PCDH15: variants seen among roughly 807,000 people sequenced by gnomAD.
The protein encoded by PCDH15 is protocadherin-15.
A neutral mutation model predicts 178.5 loss-of-function variants in PCDH15; 129 were observed. The ratio of observed to expected loss-of-function variants is 0.72; its 90% CI spans 0.63 to 0.84. The LOEUF is 0.84. Ranked by LOEUF, PCDH15 falls within the 40% of genes least tolerant of loss-of-function variation. The pLI is 0.00. For missense variants in PCDH15, 2,230 were observed against 2,099.9 expected, an observed-to-expected ratio of 1.06 and a Z score of -1.21; for synonymous variants, 800 against 732.0, an observed-to-expected ratio of 1.09 and a Z score of -1.50.
intron 2 of PCDH15, among the ~76,000 whole-genome samples, chr10:55,150,716 T>C (rs973959912): frequency 6.6e-6 from 1 of 152,098 alleles, no homozygotes; most frequent in African/African-American, 2.4e-5. Flanking sequence ...GGTAGAGATA[T>C]ATAAATTACA....
chr10:55,328,101 G>C (rs1355834089), intron 2 of PCDH15, among the ~76,000 whole-genome samples: 2 of 151,908 alleles, frequency 1.3e-5, no homozygotes, highest in Non-Finnish European at 2.9e-5. Context: ...TAGTTGAACA[G>C]ATATAACCAT....
chr10:53,940,896 C>A lies in PCDH15; in HGVS notation c.3202G>T (p.Val1068Leu), dbSNP rs1476131204. The A allele has an allele frequency of 1.2e-6, 2 of 1,613,452 alleles. No individual in the cohort carries two copies. Among genetic ancestry groups the A allele is most frequent in the Admixed American group, 3.3e-5 (2 of 60,010 alleles). The change falls in exon 24 of 38, where the codon GTG becomes TTG. Residue 1068 changes from valine to leucine, a missense_variant. Val to Leu is a conservative substitution (Grantham distance 32, BLOSUM62 1). Coordinates refer to ENST00000644397, the MANE Select transcript of PCDH15 (RefSeq NM_001384140.1). ...TCATTTCCTGAAACAATGGAGTACA[C>A]AATACTTTGATTAATGGCAGCAGCA... ...ISAAAINQSI[V>L]YSIVSGNEED...
intron 2 of PCDH15, among the ~76,000 whole-genome samples, chr10:54,612,192 T>G (rs745632314): frequency 6.6e-6 from 1 of 151,772 alleles, no homozygotes; most frequent in African/African-American, 2.4e-5. Flanking sequence ...AATGAACAAA[T>G]GAAATAAAAT....
At chr10:55,206,127 T>C (rs1193760411) in intron 1 of PCDH15, among the ~76,000 whole-genome samples, 5 of 151,990 alleles carry the variant, frequency 3.3e-5, no homozygotes, top group African/African-American at 1.2e-4. Flanking sequence ...ATCACCTTCG[T>C]AATTTTGAGA....
chr10:55,071,268 T>C (rs1841738952), intron 2 of PCDH15, among the ~76,000 whole-genome samples: 1 of 142,226 alleles, frequency 7.0e-6, no homozygotes, highest in Non-Finnish European at 1.5e-5. Flanking sequence ...TAAATGTAAC[T>C]GGACTAAATG....
At chr10:54,176,956 T>TAAA (rs5785043) in intron 13 of PCDH15, among the ~76,000 whole-genome samples, 1 of 148,556 alleles carries the variant, frequency 6.7e-6, no homozygotes, top group Non-Finnish European at 1.5e-5. Flanking sequence ...TATGTCCATG[T>TAAA]AAAAAAAAAA....
upstream of PCDH15, among the ~76,000 whole-genome samples, chr10:55,322,074 G>A (rs1262913596): frequency 1.3e-5 from 2 of 152,128 alleles, no homozygotes; most frequent in East Asian, 1.9e-4. Flanking sequence ...ATCCTCATGT[G>A]TCAAGGGCAA....
At chr10:55,141,694 G>A (rs1445154910) in intron 2 of PCDH15, among the ~76,000 whole-genome samples, 1 of 151,938 alleles carries the variant, frequency 6.6e-6, no homozygotes, top group Non-Finnish European at 1.5e-5. Flanking sequence ...CACCTTAACT[G>A]TTAATTCAGT....
At chr10:54,591,082 C>A (rs543382230) in intron 2 of PCDH15, among the ~76,000 whole-genome samples, 1 of 152,216 alleles carries the variant, frequency 6.6e-6, no homozygotes, top group South Asian at 2.1e-4. Context: ...ATCTGTAGGA[C>A]CTAGCCACTA....
intron 2 of PCDH15, among the ~76,000 whole-genome samples, chr10:55,431,396 G>A (rs185745650): frequency 2.8e-4 from 43 of 152,128 alleles, no homozygotes; most frequent in African/African-American, 9.6e-4. Flanking sequence ...TCCATCTCTC[G>A]CTTCCAGAGT....
chr10:55,565,951 G>A (rs924164360), intron 2 of PCDH15, among the ~76,000 whole-genome samples: 1 of 151,468 alleles, frequency 6.6e-6, no homozygotes, highest in Non-Finnish European at 1.5e-5. Flanking sequence ...TTCCAAAAAT[G>A]CTGTCATGAG....
intron 2 of PCDH15, among the ~76,000 whole-genome samples, chr10:54,903,971 A>G (rs1164016641): frequency 1.3e-5 from 2 of 152,084 alleles, no homozygotes; most frequent in Non-Finnish European, 2.9e-5. Context: ...ACAATGACAT[A>G]TTATTACTAT....
intron 2 of PCDH15, among the ~76,000 whole-genome samples, chr10:55,099,922 A>G (rs1564797713): frequency 6.6e-6 from 1 of 152,094 alleles, no homozygotes; most frequent in Non-Finnish European, 1.5e-5. Context: ...ATAATGAATC[A>G]TTTTCTTCAA....
chr10:54,022,852 T>A, intron 19 of PCDH15, 40 bp downstream of exon 19: 1 of 1,604,182 alleles, frequency 6.2e-7, no homozygotes, highest in Non-Finnish European at 8.5e-7. Context: ...GCAAATCTCC[T>A]AATGTAGGAT....
chr10:54,817,321 T>C (rs900847572), intron 3 of PCDH15, among the ~76,000 whole-genome samples: 1 of 151,972 alleles, frequency 6.6e-6, no homozygotes, highest in East Asian at 1.9e-4. Context: ...AAAATAAATA[T>C]ATGTTATTTT....
intron 2 of PCDH15, among the ~76,000 whole-genome samples, chr10:55,619,403 G>C (rs950664253): frequency 6.6e-6 from 1 of 151,914 alleles, no homozygotes; most frequent in African/African-American, 2.4e-5. Flanking sequence ...TTAAAATTAT[G>C]ACAGGTGGTA....
At chr10:53,967,189 T>C (rs1589670114) in intron 21 of PCDH15, among the ~76,000 whole-genome samples, 1 of 152,202 alleles carries the variant, frequency 6.6e-6, no homozygotes, top group East Asian at 1.9e-4. Context: ...CTGATGGTTT[T>C]ATAAAGGGCT....
At chr10:53,894,758 C>A (rs1004714239) in intron 26 of PCDH15, among the ~76,000 whole-genome samples, 1 of 152,082 alleles carries the variant, frequency 6.6e-6, no homozygotes, top group Non-Finnish European at 1.5e-5. Flanking sequence ...ATAAGCAAAC[C>A]ATCAGCTTAA....
At chr10:54,425,472 G>A (rs1042595585) in intron 3 of PCDH15, among the ~76,000 whole-genome samples, 1 of 152,060 alleles carries the variant, frequency 6.6e-6, no homozygotes, top group Non-Finnish European at 1.5e-5. Flanking sequence ...AGCCTCCTTA[G>A]CTGTAGAAAA....
Sources: allele counts gnomAD v4.1 joint callset (sites outside exome capture counted in the v4.1 genomes callset), GRCh38; gene constraint gnomAD v4.1.1; transcripts MANE v1.5; gene names NCBI Gene and HGNC (gene_info 2026-07-23, HGNC 2026-07-21).